Variants in PCDHA7 observed in about 807,000 individuals in gnomAD.
The protein encoded by PCDHA7 is protocadherin alpha-7.
Under a neutral mutation model 57.2 loss-of-function variants are expected in PCDHA7, and 37 were observed. That is an observed-to-expected ratio of 0.65 (90% confidence interval 0.50 to 0.85). The LOEUF (loss-of-function observed/expected upper bound fraction) is 0.85, where lower values mean the gene tolerates loss of function less well. Among genes scored for constraint, PCDHA7 ranks in the 40% least tolerant of loss-of-function variants. PCDHA7 has a pLI of 0.00. For synonymous variants in PCDHA7, 553 were observed against 558.8 expected (o/e 0.99, Z 0.15); for missense variants, 1,188 against 1,241.8 (o/e 0.96, Z 0.65).
At chr5:140,842,661 A>G in intron 1 of PCDHA7, 1 of 1,595,428 alleles carries the variant, frequency 6.3e-7, no homozygotes, top group Non-Finnish European at 8.6e-7. Flanking sequence ...GAGGTGGCCG[A>G]CGTGAACGAC....
At position 140,856,418 on chromosome 5, in the gene PCDHA7, G is replaced by A. The variant is rs782470045; in HGVS notation, c.2355+19680G>A. 17 of 1,598,338 alleles carry A rather than the reference G, an allele frequency of 1.1e-5. 1 individual carries two copies. The Admixed American group carries it at 1.2e-4, about 11-fold the overall frequency. On this transcript the variant is annotated intron_variant, in intron 1 of 3. Transcript: ENST00000525929. ...TTTCCATGTGGACGTGGAAGTGAAGGACATTAACGACAACCCGCCCAGGTT... is the reference window on the plus strand; with the variant it reads ...TTTCCATGTGGACGTGGAAGTGAAGAACATTAACGACAACCCGCCCAGGTT...
At chr5:140,948,253 A>C (rs782144804) in intron 1 of PCDHA7, among the ~76,000 whole-genome samples, 14 of 151,624 alleles carry the variant, frequency 9.2e-5, no homozygotes, top group Admixed American at 2.6e-4. Flanking sequence ...ATATTTTTAC[A>C]TCTGTGTTCA....
intron 1 of PCDHA7, among the ~76,000 whole-genome samples, chr5:140,911,672 C>T (rs1010402307): frequency 2.6e-5 from 4 of 152,154 alleles, no homozygotes; most frequent in Non-Finnish European, 5.9e-5. Flanking sequence ...TTGCCTCTCA[C>T]GAACCGTGCA....
At chr5:140,883,416 G>T in intron 1 of PCDHA7, 1 of 1,614,158 alleles carries the variant, frequency 6.2e-7, no homozygotes, top group Non-Finnish European at 8.5e-7. Context: ...GGCTCAAATG[G>T]ACAGGTCACC....
At position 140,850,924 on chromosome 5, in the gene PCDHA7, T is replaced by G. The variant is rs2150502629; in HGVS notation, c.2355+14186T>G. ...TCTAGCATTTTATTTATTTATATAA[T>G]TTTTTTTCTTGAAAGATATTATCGA... On this transcript the variant is annotated intron_variant, in intron 1 of 3. Transcript: ENST00000525929. 179 of 1,517,174 alleles carry G rather than the reference T, an allele frequency of 1.2e-4. 13 individuals carry two copies. The Admixed American group carries it at 3.8e-3, about 32-fold the overall frequency. The allele number at this position is 1,517,174 out of a possible 1,614,324, so 94.0% of individuals were successfully genotyped here. A position where few individuals can be genotyped will look rare whatever the true frequency, so the allele number is the denominator to read the frequency against.
intron 1 of PCDHA7, among the ~76,000 whole-genome samples, chr5:140,925,941 GAGA>G (rs1554203013): frequency 7.2e-6 from 1 of 138,610 alleles, no homozygotes; most frequent in East Asian, 1.9e-4. Flanking sequence ...GAGCCTCTTG[GAGA>G]AGGAGAAACT....
At chr5:140,875,207 C>A in intron 1 of PCDHA7, 3 of 660,292 alleles carry the variant, frequency 4.5e-6, no homozygotes, top group Non-Finnish European at 6.7e-6. Flanking sequence ...AGTGGCTAAA[C>A]CGAAAAGAAC....
intron 3 of PCDHA7, among the ~76,000 whole-genome samples, chr5:140,999,772 T>A (rs1186405321): frequency 6.6e-6 from 1 of 152,182 alleles, no homozygotes; most frequent in Non-Finnish European, 1.5e-5. Flanking sequence ...CTTTATACTC[T>A]TAACCTAGAA....
intron 1 of PCDHA7, among the ~76,000 whole-genome samples, chr5:140,975,318 C>T (rs1554236746): frequency 6.6e-6 from 1 of 152,198 alleles, no homozygotes; most frequent in Admixed American, 6.5e-5. Flanking sequence ...TTATGTCAGT[C>T]CCATCCAGAT....
rs2150357061 is a variant in PCDHA7, at chr5:140,843,307, G to A, written c.2355+6569G>A. 9.4e-6 allele frequency: 15 copies of A among 1,595,858 alleles called. 1 individual carries two copies. In the African/African-American group the frequency reaches 1.1e-4, roughly 11 times the overall value. Reference sequence around the variant, plus strand: ...ATGGTGAACCTGCGCTGACCGCCACGGCCACGGTTCTGGTGTCGCTGGTGG... The same window carrying A: ...ATGGTGAACCTGCGCTGACCGCCACAGCCACGGTTCTGGTGTCGCTGGTGG... On this transcript the variant is annotated intron_variant, in intron 1 of 3. Coordinates refer to ENST00000525929, the MANE Select transcript of PCDHA7 (RefSeq NM_018910.3).
intron 1 of PCDHA7, chr5:140,861,034 G>A (rs1262696550): frequency 1.3e-5 from 2 of 152,270 alleles, no homozygotes; most frequent in Admixed American, 6.5e-5. Context: ...CGGCCGAAAG[G>A]TATTTTTTTT....
At chr5:140,915,861 G>A (rs2077339820) in intron 1 of PCDHA7, among the ~76,000 whole-genome samples, 1 of 152,182 alleles carries the variant, frequency 6.6e-6, no homozygotes, top group African/African-American at 2.4e-5. Flanking sequence ...AGCCAAGTTT[G>A]CATCCTTCCC....
At chr5:140,906,891 T>C (rs2073026399) in intron 1 of PCDHA7, among the ~76,000 whole-genome samples, 1 of 152,152 alleles carries the variant, frequency 6.6e-6, no homozygotes, top group South Asian at 2.1e-4. Context: ...CCTTCTTAGA[T>C]TGTTGGTTTA....
Position 140,921,480 on chromosome 5 carries a change from A to G in PCDHA7, c.2356-57469A>G, listed in dbSNP as rs201609452. On this transcript the variant is annotated intron_variant, in intron 1 of 3. Coordinates refer to ENST00000525929, the MANE Select transcript of PCDHA7 (RefSeq NM_018910.3). ...CCTGCAACCACTACCAAACCACTCT[A>G]CCTGAGATTAGTTTATTAGATAGTG... 4.8e-4 allele frequency among the ~76,000 whole-genome samples: 73 copies of G among 152,306 alleles called. No homozygotes were observed. In the East Asian group the frequency reaches 0.011, roughly 22 times the overall value.
chr5:140,882,375 C>T (rs879994353), intron 1 of PCDHA7: 1 of 1,614,212 alleles, frequency 6.2e-7, no homozygotes, highest in Non-Finnish European at 8.5e-7. Context: ...TACTCCGTCC[C>T]CGAGGAAGCA....
intron 1 of PCDHA7, among the ~76,000 whole-genome samples, chr5:140,924,131 T>C (rs2081690578): frequency 6.6e-6 from 1 of 152,234 alleles, no homozygotes; most frequent in African/African-American, 2.4e-5. Flanking sequence ...CTTAGCAGCA[T>C]TAATTTAAAA....
chr5:140,938,793 A>G lies in PCDHA7; in HGVS notation c.2356-40156A>G, dbSNP rs543840345. 2.6e-5 allele frequency among the ~76,000 whole-genome samples: 4 copies of G among 152,268 alleles called. No individual in the cohort carries two copies. The East Asian group carries it at 7.7e-4, about 29-fold the overall frequency. On this transcript the variant is annotated intron_variant, in intron 1 of 3. Coordinates refer to ENST00000525929, the MANE Select transcript of PCDHA7 (RefSeq NM_018910.3). ...AGACTTAGTACCTGAATGATGAAAT[A>G]ATCGGTACCACAAACCCCTGTGACA...
At chr5:140,979,354 A>G (rs1205411040) in intron 2 of PCDHA7, among the ~76,000 whole-genome samples, 1 of 151,576 alleles carries the variant, frequency 6.6e-6, no homozygotes. Context: ...ATTAATACTC[A>G]TGCTTTGAGA....
intron 1 of PCDHA7, among the ~76,000 whole-genome samples, chr5:140,926,146 G>T (rs553563976): frequency 6.6e-5 from 10 of 152,056 alleles, no homozygotes; most frequent in Non-Finnish European, 1.3e-4. Context: ...GATCCAGCGC[G>T]GAAAGCTCTG....
Sources: allele counts gnomAD v4.1 joint callset (sites outside exome capture counted in the v4.1 genomes callset), GRCh38; gene constraint gnomAD v4.1.1; transcripts MANE v1.5; gene names NCBI Gene and HGNC (gene_info 2026-07-23, HGNC 2026-07-21).